AARS1: variants seen among roughly 807,000 people sequenced by gnomAD.
AARS1 encodes the protein alanine--tRNA ligase, cytoplasmic.
AARS1 carries 72 observed loss-of-function variants against 108.9 expected under a neutral mutation model. The ratio of observed to expected loss-of-function variants is 0.66; its 90% CI spans 0.55 to 0.80. AARS1 has a LOEUF of 0.80. Ranked by LOEUF, AARS1 falls within the 30% of genes least tolerant of loss-of-function variation. The probability of loss-of-function intolerance (pLI) is 0.00; values close to 1 mark genes in which losing one functional copy is unlikely to be tolerated. For synonymous variants in AARS1, 489 were observed against 465.7 expected, an observed-to-expected ratio of 1.05 and a Z score of -0.64; for missense variants, 1,193 against 1,233.2, an observed-to-expected ratio of 0.97 and a Z score of 0.49.
At chr16:70,262,985 AAAAAAAAAAAAAAC>A (rs1567604877) in intron 11 of AARS1, among the ~76,000 whole-genome samples, 1 of 146,456 alleles carries the variant, frequency 6.8e-6, no homozygotes, top group African/African-American at 2.5e-5. Flanking sequence ...AAAAAAAAAA[AAAAAAAAAAAAAAC>A]AACAACAACA....
At chr16:70,255,974 G>GC in intron 15 of AARS1, 138 bp from the exon 16 acceptor site, 2 of 760,796 alleles carry the variant, frequency 2.6e-6, no homozygotes, top group Non-Finnish European at 4.5e-6. Flanking sequence ...CTGACACCAA[G>GC]CGGGACACCA....
rs1323803720 is a variant in AARS1 at position 70,253,902 on chromosome 16, G to T, written c.2520+17C>A. On this transcript the variant is annotated intron_variant, in intron 18 of 20. Coordinates refer to ENST00000261772, the MANE Select transcript of AARS1 (RefSeq NM_001605.3). ...TGCCTAGGAAACACTCTGGCCACTG[G>T]TGCTGCCAGGACTCACTCGTTTCTG... 14 of 1,614,120 alleles carry T rather than the reference G, an allele frequency of 8.7e-6. No homozygotes were observed. In the Admixed American group the frequency reaches 2.3e-4, roughly 27 times the overall value.
At chr16:70,258,273 G>A (rs933860672) in intron 14 of AARS1, 56 bp from the exon 15 acceptor site, 147 of 1,537,882 alleles carry the variant, frequency 9.6e-5, no homozygotes, top group Non-Finnish European at 1.2e-4. Context: ...GGTGCGGTAC[G>A]ACGAGGCAGG....
chr16:70,265,798 GAAAA>G, intron 9 of AARS1, 136 bp from the exon 10 acceptor site: 1 of 850,176 alleles, frequency 1.2e-6, no homozygotes, highest in Admixed American at 2.4e-5. Context: ...GTGCCCATCA[GAAAA>G]TCCAGCACAT....
chr16:70,258,314 T>C (rs1960044749), intron 14 of AARS1, 97 bp from the exon 15 acceptor site: 1 of 1,408,338 alleles, frequency 7.1e-7, no homozygotes, highest in African/African-American at 1.4e-5. Flanking sequence ...GGACTCGGGT[T>C]CCAACCTGGC....
chr16:70,258,954 G>T, intron 14 of AARS1, 26 bp downstream of exon 14: 1 of 1,605,450 alleles, frequency 6.2e-7, no homozygotes, highest in Non-Finnish European at 8.5e-7. Flanking sequence ...TGGGGAGGGG[G>T]GGCATTCAGC....
At chr16:70,284,928 C>G (rs1056556465) in intron 1 of AARS1, among the ~76,000 whole-genome samples, 1 of 152,180 alleles carries the variant, frequency 6.6e-6, no homozygotes, top group African/African-American at 2.4e-5. Flanking sequence ...TGGAAGCAAT[C>G]TATAAAATGG....
chr16:70,268,358 G>A lies in AARS1; in HGVS notation c.984C>T (p.Leu328=). ...CATGGGCGTATCGGACAGCTCGGCG[G>A]AGAATCCGTCTCAACACATATCTGT... ...TGRGYVLRRI[L]RRAVRYAHEK... Residue 328 remains leucine (L), a synonymous_variant, in exon 8 of 21, where the codon CTC becomes CTT. Transcript: ENST00000261772. 1 of 1,614,138 alleles carries A rather than the reference G, an allele frequency of 6.2e-7. No homozygotes were observed.
At chr16:70,254,160 G>A in intron 17 of AARS1, 122 bp from the exon 18 acceptor site, 1 of 1,344,630 alleles carries the variant, frequency 7.4e-7, no homozygotes, top group Non-Finnish European at 1.1e-6. Context: ...AGCAAGGAAA[G>A]CTTTGAGACC....
chr16:70,281,229 A>G (rs1260943868), intron 2 of AARS1, among the ~76,000 whole-genome samples: 2 of 152,192 alleles, frequency 1.3e-5, no homozygotes, highest in Admixed American at 1.3e-4. Context: ...AATAATTTCA[A>G]GAAAGGCATT....
At chr16:70,270,143 T>C (rs1960362361) in intron 6 of AARS1, 53 bp downstream of exon 6, 1 of 1,607,164 alleles carries the variant, frequency 6.2e-7, no homozygotes, top group Non-Finnish European at 8.5e-7. Flanking sequence ...CTGTTAAGAG[T>C]ACAGCCTGGA....
At chr16:70,266,948 T>C (rs1278917296) in intron 9 of AARS1, among the ~76,000 whole-genome samples, 2 of 152,186 alleles carry the variant, frequency 1.3e-5, no homozygotes, top group Non-Finnish European at 1.5e-5. Flanking sequence ...GCAATTCTCC[T>C]GTCTCAGCCT....
chr16:70,267,607 TC>T, intron 9 of AARS1, 51 bp downstream of exon 9: 1 of 1,611,080 alleles, frequency 6.2e-7, no homozygotes, highest in Non-Finnish European at 8.5e-7. Context: ...GGCTTGTCTT[TC>T]CCAGAAAGAT....
chr16:70,271,876 G>T lies in AARS1; in HGVS notation c.576C>A (p.Tyr192Ter). Residue 192 changes from tyrosine (Y) to a stop codon, truncating the protein, a stop_gained, in exon 5 of 21, where the codon TAC becomes TAA. Transcript: ENST00000261772. LOFTEE classifies it high-confidence loss of function. ...CGGCGTCCCGACCACCAATCCGGTC[G>T]TAGTGGATCTCACTGCAAGGACCAC... ...GPCGPCSEIH[Y>*]DRIGGRDAAH... 2 of 1,613,998 alleles carry T rather than the reference G, an allele frequency of 1.2e-6. No homozygotes were observed. Among genetic ancestry groups the T allele is most frequent in the Non-Finnish European group, 1.7e-6 (2 of 1,179,934 alleles).
Position 70,252,467 on chromosome 16 carries a change from C to T in AARS1, c.*254G>A. ...ACGCGGAAAGCTCAGGTCTGGAGAG[C>T]CGTTATCTATAGATGCGAGCGTGAC... On this transcript the variant is annotated 3_prime_UTR_variant, in exon 21 of 21. Coordinates refer to ENST00000261772, the MANE Select transcript of AARS1 (RefSeq NM_001605.3). 1 of 553,232 alleles carries T rather than the reference C, an allele frequency of 1.8e-6. No homozygotes were observed. The highest frequency in any genetic ancestry group is 3.3e-6 in the Non-Finnish European group (1 of 307,634). 34.3% of individuals were successfully genotyped at this position (553,232 alleles called of 1,614,324 possible). A position where few individuals can be genotyped will look rare whatever the true frequency, so the allele number is the denominator to read the frequency against.
At chr16:70,253,227 T>G (rs945915483) in intron 20 of AARS1, 41 bp downstream of exon 20, 3 of 1,522,930 alleles carry the variant, frequency 2.0e-6, no homozygotes, top group Non-Finnish European at 2.7e-6. Context: ...GCCAACAACC[T>G]TAAGACCTAA....
intron 9 of AARS1, 127 bp from the exon 10 acceptor site, chr16:70,265,789 T>C: frequency 8.4e-7 from 1 of 1,192,028 alleles, no homozygotes; most frequent in Non-Finnish European, 1.2e-6. Flanking sequence ...CGGCCCTGTG[T>C]GCCCATCAGA....
Position 70,254,732 on chromosome 16 carries a change from G to A in AARS1, c.2289C>T (p.Ala763=). The change falls in exon 17 of 21, where the codon GCC becomes GCT. Residue 763 remains alanine, a splice_region_variant and synonymous_variant. Coordinates refer to ENST00000261772, the MANE Select transcript of AARS1 (RefSeq NM_001605.3). ...TCTTCAAGCTCTCTGCTTTCCTGAG[G>A]GCCTGGGAGGGGACACCGGGTCAAC... The part of the protein sequence containing the change: ...VAVTGAEAQK[A]LRKAESLKKC... 1.2e-6 allele frequency: 2 copies of A among 1,606,092 alleles called. No homozygotes were observed. Among genetic ancestry groups the A allele is most frequent in the South Asian group, 1.1e-5 (1 of 90,856 alleles).
At chr16:70,262,967 CAAAAAAAAAAAAA>C (rs57444625) in intron 11 of AARS1, among the ~76,000 whole-genome samples, 96 of 20,592 alleles carry the variant, frequency 4.7e-3, no homozygotes, top group Middle Eastern at 0.17. Flanking sequence ...GACTCGGTCT[CAAAAAAAAAAAAA>C]AAAAAAAAAA....
Sources: allele counts gnomAD v4.1 joint callset (sites outside exome capture counted in the v4.1 genomes callset), GRCh38; gene constraint gnomAD v4.1.1; transcripts MANE v1.5; gene names NCBI Gene and HGNC (gene_info 2026-07-23, HGNC 2026-07-21).